The following DST variants were observed in gnomAD, a reference collection of about 807,000 sequenced individuals.
DST encodes the protein dystonin.
Under a neutral mutation model 875.2 loss-of-function variants are expected in DST, and 253 were observed. The ratio of observed to expected loss-of-function variants is 0.29; its 90% CI spans 0.26 to 0.32. The LOEUF is 0.32. DST is among the 10% of genes least tolerant of loss of function. The pLI is 1.00. For missense variants in DST, 8,287 were observed against 9,111.6 expected, an observed-to-expected ratio of 0.91 and a Z score of 3.68; for synonymous variants, 3,124 against 3,197.1, an observed-to-expected ratio of 0.98 and a Z score of 0.77.
chr6:56,615,419 A>C (rs1009730654), intron 36 of DST: 58 of 1,581,678 alleles, frequency 3.7e-5, no homozygotes, highest in Non-Finnish European at 4.8e-5. Flanking sequence ...ATGTTACATA[A>C]TTCACAGACT....
intron 4 of DST, among the ~76,000 whole-genome samples, chr6:56,772,748 G>A (rs2099669715): frequency 1.3e-5 from 2 of 152,022 alleles, no homozygotes; most frequent in South Asian, 4.1e-4. Flanking sequence ...CAAATATTTT[G>A]GTCCTTCAGA....
rs768148385 is a variant in DST at position 56,607,520 on chromosome 6, C to T, written c.7108G>A (p.Glu2370Lys). ...TTTGTTTCCACTCGGCTTTGATTTT[C>T]ATAGTTTGTAAGTATGTTTTCAGAG... ...SDSENILTNY[E>K]NQSRVETNER... Residue 2370 changes from glutamate (E) to lysine (K), a missense_variant, in exon 40 of 104, where the codon GAA becomes AAA. Physicochemically the swap from Glu to Lys is moderately conservative, Grantham distance 56 (BLOSUM62 1). Around this residue, in one of 10 missense-constraint regions of DST, gnomAD observed 3,138 missense variants for 3,116.6 expected, o/e 1.01. Coordinates refer to ENST00000680361, the MANE Select transcript of DST (RefSeq NM_001374736.1). 6.2e-7 allele frequency: 1 copy of T among 1,601,488 alleles called. No homozygotes were observed. Among genetic ancestry groups the T allele is most frequent in the Non-Finnish European group, 8.5e-7 (1 of 1,172,940 alleles).
At chr6:56,633,319 C>T (rs866249822) in intron 27 of DST, among the ~76,000 whole-genome samples, 8 of 148,724 alleles carry the variant, frequency 5.4e-5, no homozygotes, top group Middle Eastern at 3.2e-3. Context: ...CTCCGCCTCC[C>T]GGGTTCACGC....
chr6:56,799,402 A>C (rs1001835893), intron 4 of DST, among the ~76,000 whole-genome samples: 15 of 152,034 alleles, frequency 9.9e-5, no homozygotes, highest in Non-Finnish European at 1.9e-4. Context: ...TCTTTCAAGA[A>C]AAGAAATGAA....
chr6:56,811,475 T>C (rs1405288345), intron 4 of DST, among the ~76,000 whole-genome samples: 3 of 152,154 alleles, frequency 2.0e-5, no homozygotes, highest in African/African-American at 7.2e-5. Context: ...TAACAGAACA[T>C]GTTAAGGAAA....
chr6:56,941,916 T>C (rs913943318), intron 2 of DST, among the ~76,000 whole-genome samples: 2 of 152,258 alleles, frequency 1.3e-5, no homozygotes, highest in African/African-American at 4.8e-5. Flanking sequence ...TTATAAACTC[T>C]GTTGATCACC....
At chr6:56,497,306 G>A in intron 82 of DST, 73 bp downstream of exon 82, 3 of 1,531,252 alleles carry the variant, frequency 2.0e-6, no homozygotes. Flanking sequence ...CACGATTTAT[G>A]TATCGCCAGG....
At chr6:56,787,560 T>G (rs140153749) in intron 4 of DST, among the ~76,000 whole-genome samples, 85 of 152,290 alleles carry the variant, frequency 5.6e-4, no homozygotes, top group African/African-American at 2.0e-3. Context: ...TGGACAAATA[T>G]GAAATTGTAA....
intron 3 of DST, among the ~76,000 whole-genome samples, chr6:56,858,003 C>A (rs1768871196): frequency 6.6e-6 from 1 of 152,142 alleles, no homozygotes; most frequent in South Asian, 2.1e-4. Flanking sequence ...ACTTGTTGAA[C>A]AATTAAGGTA....
Position 56,602,935 on chromosome 6 carries a change from T to C in DST, c.11254A>G (p.Ile3752Val). ...TACTCAGAATCTTGAACATTCACAA[T>C]CTCAATATCCTTCACAGATTTGCTC... ...EKSKSVKDIE[I>V]VNVQDSEYVK... The change falls in exon 43 of 104, where the codon ATT (isoleucine) becomes GTT (valine). Residue 3752 changes from isoleucine to valine, a missense_variant. By Grantham distance (29) the Ile-to-Val change is conservative (BLOSUM62 3). Around this residue, in one of 10 missense-constraint regions of DST, gnomAD observed 3,138 missense variants for 3,116.6 expected, o/e 1.01. Coordinates refer to ENST00000680361, the MANE Select transcript of DST (RefSeq NM_001374736.1). 6.3e-7 allele frequency: 1 copy of C among 1,582,488 alleles called. No individual in the cohort carries two copies. Among genetic ancestry groups the C allele is most frequent in the Non-Finnish European group, 8.5e-7 (1 of 1,170,760 alleles).
chr6:56,657,802 G>A (rs988524266), intron 10 of DST, among the ~76,000 whole-genome samples: 6 of 152,094 alleles, frequency 3.9e-5, no homozygotes, highest in Non-Finnish European at 7.3e-5. Context: ...GTCTCACTCT[G>A]TCATCCACCC....
intron 49 of DST, among the ~76,000 whole-genome samples, chr6:56,587,102 C>G (rs1005507295): frequency 3.9e-5 from 6 of 152,048 alleles, no homozygotes; most frequent in Non-Finnish European, 8.8e-5. Context: ...TTCAGACGAT[C>G]AAACTACTCC....
At chr6:56,518,005 T>C (rs2096628482) in intron 69 of DST, among the ~76,000 whole-genome samples, 1 of 152,158 alleles carries the variant, frequency 6.6e-6, no homozygotes, top group Non-Finnish European at 1.5e-5. Context: ...TCCTATGATA[T>C]GCAACTAACA....
At chr6:56,927,009 G>A (rs1365756571) in intron 2 of DST, among the ~76,000 whole-genome samples, 1 of 152,208 alleles carries the variant, frequency 6.6e-6, no homozygotes, top group East Asian at 1.9e-4. Context: ...AACAGCATAG[G>A]AGGGAAAAGA....
At chr6:56,843,284 C>A in intron 4 of DST, 1 of 1,247,636 alleles carries the variant, frequency 8.0e-7, no homozygotes, top group Non-Finnish European at 1.0e-6. Flanking sequence ...GCACGGAAGC[C>A]GAAGACGCAG....
intron 34 of DST, among the ~76,000 whole-genome samples, chr6:56,626,680 G>A (rs1159347237): frequency 6.6e-6 from 1 of 152,160 alleles, no homozygotes; most frequent in Non-Finnish European, 1.5e-5. Flanking sequence ...ATGCTTCCAA[G>A]ATGGGGACAA....
Position 56,927,153 on chromosome 6 carries a change from T to C in DST, c.217-26532A>G, listed in dbSNP as rs140265088. Among the ~76,000 whole-genome samples the C allele has an allele frequency of 2.0e-4, 30 of 152,332 alleles. No homozygotes were observed. The East Asian group carries it at 5.8e-3, about 29-fold the overall frequency. On this transcript the variant is annotated intron_variant, in intron 2 of 103. Transcript: ENST00000680361. Reference sequence around the variant, plus strand: ...TAGCCAAAAAAGCTTTTTTTTTAACTAGCTCAGCTAATGCAGAACACACAA... The same window carrying C: ...TAGCCAAAAAAGCTTTTTTTTTAACCAGCTCAGCTAATGCAGAACACACAA...
At chr6:56,601,339 T>C (rs2098444243) in intron 44 of DST, 104 bp downstream of exon 44, 1 of 696,870 alleles carries the variant, frequency 1.4e-6, no homozygotes, top group East Asian at 2.7e-5. Flanking sequence ...TATCCATTAA[T>C]GCCTTTCCAG....
chr6:56,527,607 G>A lies in DST; in HGVS notation c.17808C>T (p.His5936=). 4 of 1,613,828 alleles carry A rather than the reference G, an allele frequency of 2.5e-6. No homozygotes were observed. The highest frequency in any genetic ancestry group is 1.1e-5 in the South Asian group (1 of 91,078). The part of the protein sequence containing the change: ...EQALQLARRL[H]STHEELCTWL... ...AGGTACACAGCTCTTCGTGTGTGGA[G>A]TGCAGCCGCCTTGCAAGCTGCAGCG... Residue 5936 remains histidine, a synonymous_variant, in exon 68 of 104, where the codon CAC becomes CAT. Coordinates refer to ENST00000680361, the MANE Select transcript of DST (RefSeq NM_001374736.1).
Sources: gnomAD v4.1 joint callset for allele counts (sites outside exome capture counted in the v4.1 genomes callset) on GRCh38, gnomAD v4.1.1 for gene constraint, gnomAD v4.1.1 regional missense constraint, MANE v1.5 for transcripts, NCBI Gene and HGNC (gene_info 2026-07-23, HGNC 2026-07-21) for gene names.